The following SPECC1 variants were observed in gnomAD, a reference collection of about 807,000 sequenced individuals.
The protein encoded by SPECC1 is cytospin-B.
SPECC1 carries 62 observed loss-of-function variants against 104.1 expected under a neutral mutation model. The ratio of observed to expected loss-of-function variants is 0.60; its 90% CI spans 0.49 to 0.74. The LOEUF (loss-of-function observed/expected upper bound fraction) is 0.74, where lower values mean the gene tolerates loss of function less well. Ranked by LOEUF, SPECC1 falls within the 30% of genes least tolerant of loss-of-function variation. The pLI, the probability that SPECC1 is intolerant of heterozygous loss-of-function variation, is 0.00. For missense variants in SPECC1, 1,306 were observed against 1,310.5 expected, an observed-to-expected ratio of 1.00 and a Z score of 0.05; for synonymous variants, 513 against 501.6, an observed-to-expected ratio of 1.02 and a Z score of -0.30.
At chr17:20,010,724 A>G (rs554970008) in intron 1 of SPECC1, among the ~76,000 whole-genome samples, 1 of 152,298 alleles carries the variant, frequency 6.6e-6, no homozygotes. Flanking sequence ...TCTTCCATAG[A>G]TTACTCTCGC....
intron 1 of SPECC1, among the ~76,000 whole-genome samples, chr17:20,084,368 G>A (rs2047097328): frequency 6.6e-6 from 1 of 152,182 alleles, no homozygotes; most frequent in Non-Finnish European, 1.5e-5. Context: ...GGCAGAGGTT[G>A]CAGTGAGCCG....
intron 1 of SPECC1, among the ~76,000 whole-genome samples, chr17:20,089,827 G>A (rs1012264355): frequency 6.6e-6 from 1 of 152,202 alleles, no homozygotes; most frequent in Admixed American, 6.5e-5. Context: ...CTGGACAGCC[G>A]TGAATTTGAG....
chr17:20,023,567 G>T (rs543910769), intron 1 of SPECC1, among the ~76,000 whole-genome samples: 1 of 152,276 alleles, frequency 6.6e-6, no homozygotes, highest in Admixed American at 6.5e-5. Flanking sequence ...CGTTCTAGAA[G>T]AAGGTGATGT....
chr17:20,076,134 C>G (rs1245905175), intron 1 of SPECC1, among the ~76,000 whole-genome samples: 1 of 152,114 alleles, frequency 6.6e-6, no homozygotes, highest in Non-Finnish European at 1.5e-5. Flanking sequence ...TTATATATTT[C>G]TTTCTACCTG....
intron 1 of SPECC1, among the ~76,000 whole-genome samples, chr17:20,030,297 G>A (rs1188838269): frequency 6.6e-6 from 1 of 151,906 alleles, no homozygotes; most frequent in African/African-American, 2.4e-5. Context: ...ATTCTAGTTA[G>A]ATACCAAAAT....
chr17:20,170,660 T>G (rs974772614), intron 3 of SPECC1, among the ~76,000 whole-genome samples: 1 of 152,190 alleles, frequency 6.6e-6, no homozygotes. Flanking sequence ...TTTACCAATA[T>G]CATTCTTTCT....
chr17:20,082,285 T>A (rs1296864297), intron 1 of SPECC1, among the ~76,000 whole-genome samples: 3 of 152,096 alleles, frequency 2.0e-5, no homozygotes, highest in South Asian at 2.1e-4. Context: ...AGACTGTAGG[T>A]CTTAAACAAA....
intron 2 of SPECC1, among the ~76,000 whole-genome samples, chr17:20,101,307 C>T (rs1244076230): frequency 2.0e-5 from 3 of 152,204 alleles, no homozygotes; most frequent in Admixed American, 6.5e-5. Flanking sequence ...TCCTATTTCT[C>T]CACAGCCTCA....
At chr17:20,144,845 G>A (rs1027204564) in intron 3 of SPECC1, among the ~76,000 whole-genome samples, 1 of 152,220 alleles carries the variant, frequency 6.6e-6, no homozygotes, top group Non-Finnish European at 1.5e-5. Flanking sequence ...CACACGCTAG[G>A]AGGATGGATC....
At chr17:20,134,695 C>T (rs2049834398) in intron 3 of SPECC1, among the ~76,000 whole-genome samples, 1 of 152,238 alleles carries the variant, frequency 6.6e-6, no homozygotes, top group South Asian at 2.1e-4. Flanking sequence ...AAGCCATCCT[C>T]CTGCCTCAGC....
At chr17:20,213,114 T>C (rs532200107) in intron 4 of SPECC1, among the ~76,000 whole-genome samples, 1 of 152,268 alleles carries the variant, frequency 6.6e-6, no homozygotes, top group Non-Finnish European at 1.5e-5. Context: ...TTCTTTTTTT[T>C]TGAGACATGG....
intron 11 of SPECC1, 109 bp downstream of exon 11, chr17:20,257,716 C>T: frequency 2.1e-6 from 3 of 1,398,614 alleles, no homozygotes; most frequent in Non-Finnish European, 2.9e-6. Flanking sequence ...ATATTTCCTG[C>T]ATGAAAATGA....
chr17:20,050,118 A>G (rs1192909685), intron 1 of SPECC1, among the ~76,000 whole-genome samples: 1 of 152,098 alleles, frequency 6.6e-6, no homozygotes, highest in African/African-American at 2.4e-5. Context: ...CCCCTGGCCA[A>G]TTTTTTTCTT....
rs553818867 is a variant in SPECC1, at chr17:20,275,811, G to C, written c.2940+15517G>C. On this transcript the variant is annotated intron_variant, in intron 12 of 14. Transcript: ENST00000395527. ...CTCAGTGGGAGCTCAAGTGTCCCCT[G>C]TCCCCATGTGGCCACTTGATCTGCT... Among the ~76,000 whole-genome samples, 6 of 152,306 alleles carry C rather than the reference G, an allele frequency of 3.9e-5. No individual in the cohort carries two copies. The South Asian group carries it at 6.2e-4, about 16-fold the overall frequency.
At chr17:20,115,163 G>C (rs1362413402) in intron 3 of SPECC1, among the ~76,000 whole-genome samples, 5 of 152,064 alleles carry the variant, frequency 3.3e-5, no homozygotes, top group Admixed American at 3.3e-4. Flanking sequence ...CTGATCCCAT[G>C]ATCAAATATT....
At chr17:20,271,724 A>G (rs1017556922) in intron 12 of SPECC1, among the ~76,000 whole-genome samples, 30 of 148,892 alleles carry the variant, frequency 2.0e-4, no homozygotes, top group Admixed American at 2.0e-3. Flanking sequence ...CTCTTTTTTG[A>G]TCTTCTGTAT....
chr17:20,014,651 A>G (rs775009377), intron 1 of SPECC1, among the ~76,000 whole-genome samples: 4 of 152,194 alleles, frequency 2.6e-5, no homozygotes, highest in Non-Finnish European at 5.9e-5. Context: ...GAAGAAGTGC[A>G]CGCGTCTGAC....
chr17:20,284,288 G>A (rs1447940965), intron 12 of SPECC1, among the ~76,000 whole-genome samples: 14 of 152,212 alleles, frequency 9.2e-5, no homozygotes, highest in Non-Finnish European at 1.0e-4. Context: ...CTGAGGAGGC[G>A]GTGATCAGAG....
At chr17:20,199,419 A>G (rs1252900029) in intron 3 of SPECC1, among the ~76,000 whole-genome samples, 2 of 115,104 alleles carry the variant, frequency 1.7e-5, no homozygotes, top group Non-Finnish European at 3.4e-5. Context: ...TTTTAAATAG[A>G]GACAGGGTCT....
Sources: allele counts gnomAD v4.1 joint callset (sites outside exome capture counted in the v4.1 genomes callset), GRCh38; gene constraint gnomAD v4.1.1; transcripts MANE v1.5; gene names NCBI Gene and HGNC (gene_info 2026-07-23, HGNC 2026-07-21).